Variants in TANGO6 observed in about 807,000 individuals in gnomAD.
The protein encoded by TANGO6 is transport and Golgi organization protein 6 homolog.
Under a neutral mutation model 114.2 loss-of-function variants are expected in TANGO6, and 90 were observed. That is an observed-to-expected ratio of 0.79 (90% CI 0.66 to 0.94). The LOEUF is 0.94. TANGO6 is among the 40% of genes least tolerant of loss of function. The pLI is 0.00. For missense variants in TANGO6, 1,274 were observed against 1,315.3 expected (o/e 0.97, Z 0.49); for synonymous variants, 477 against 509.8 (o/e 0.94, Z 0.87).
intron 17 of TANGO6, among the ~76,000 whole-genome samples, chr16:69,050,491 A>AT (rs1257183183): frequency 0.011 from 1,605 of 140,430 alleles, 29 homozygotes; most frequent in East Asian, 0.065. Context: ...TGCCCAGCTA[A>AT]TTTTTTTTTT....
chr16:69,036,754 G>C (rs902700917), intron 16 of TANGO6, among the ~76,000 whole-genome samples: 2 of 152,144 alleles, frequency 1.3e-5, no homozygotes, highest in African/African-American at 4.8e-5. Context: ...CTTGAGTCCA[G>C]GAGTTTGAGA....
At chr16:69,076,405 C>G (rs1365121808) in intron 17 of TANGO6, among the ~76,000 whole-genome samples, 2 of 152,010 alleles carry the variant, frequency 1.3e-5, no homozygotes, top group African/African-American at 4.8e-5. Flanking sequence ...TTTCTTGATA[C>G]ATTTACATTC....
At chr16:69,040,263 T>C in intron 16 of TANGO6, 45 bp from the exon 17 acceptor site, 1 of 1,501,846 alleles carries the variant, frequency 6.7e-7, no homozygotes, top group East Asian at 2.4e-5. Flanking sequence ...TAGGTAATTG[T>C]GCAACTCTGA....
At chr16:69,036,737 C>T (rs1234479987) in intron 16 of TANGO6, among the ~76,000 whole-genome samples, 4 of 152,042 alleles carry the variant, frequency 2.6e-5, no homozygotes, top group African/African-American at 7.2e-5. Context: ...CCGAGGCAGG[C>T]GAATCACTTG....
chr16:68,998,852 T>C (rs1964016095), intron 15 of TANGO6, among the ~76,000 whole-genome samples: 1 of 151,972 alleles, frequency 6.6e-6, no homozygotes, highest in African/African-American at 2.4e-5. Flanking sequence ...TTTTAAATTG[T>C]CTTTGATGAA....
intron 9 of TANGO6, among the ~76,000 whole-genome samples, chr16:68,905,320 G>A (rs1175923890): frequency 6.6e-6 from 1 of 151,826 alleles, no homozygotes; most frequent in African/African-American, 2.4e-5. Flanking sequence ...GGTGGATCAC[G>A]AGGTCAGGAG....
intron 15 of TANGO6, among the ~76,000 whole-genome samples, chr16:68,983,565 A>T (rs919510641): frequency 6.6e-6 from 1 of 152,152 alleles, no homozygotes; most frequent in African/African-American, 2.4e-5. Flanking sequence ...TTGCATTGGT[A>T]AGAAGCCCGG....
intron 17 of TANGO6, among the ~76,000 whole-genome samples, chr16:69,050,598 T>C (rs1959933858): frequency 6.6e-6 from 1 of 151,940 alleles, no homozygotes; most frequent in Admixed American, 6.6e-5. Context: ...CAAGCAATTC[T>C]CCTGCCCCAG....
At chr16:68,868,347 A>G (rs1596996226) in intron 4 of TANGO6, among the ~76,000 whole-genome samples, 1 of 152,010 alleles carries the variant, frequency 6.6e-6, no homozygotes, top group Non-Finnish European at 1.5e-5. Context: ...TTAGACATGT[A>G]CATCATTTAA....
chr16:68,930,316 G>A (rs1428141408), intron 14 of TANGO6, 21 bp downstream of exon 14: 1 of 1,545,778 alleles, frequency 6.5e-7, no homozygotes, highest in African/African-American at 1.4e-5. Flanking sequence ...CCTGGTTAAA[G>A]GACTTTAAGT....
At chr16:68,977,382 A>T (rs1212948188) in intron 15 of TANGO6, among the ~76,000 whole-genome samples, 15 of 150,246 alleles carry the variant, frequency 1.0e-4, no homozygotes, top group East Asian at 3.9e-4. Context: ...TATTTATTTA[A>T]TTTTTTTTGT....
intron 3 of TANGO6, among the ~76,000 whole-genome samples, chr16:68,864,607 G>T (rs144900982): frequency 6.6e-6 from 1 of 151,968 alleles, no homozygotes; most frequent in Non-Finnish European, 1.5e-5. Context: ...GAAAAAGAGC[G>T]AGAAGCCAAA....
intron 15 of TANGO6, among the ~76,000 whole-genome samples, chr16:68,979,309 A>G (rs1963799967): frequency 6.6e-6 from 1 of 151,908 alleles, no homozygotes; most frequent in African/African-American, 2.4e-5. Flanking sequence ...GGCTCACTGC[A>G]ACCTCCACTT....
intron 1 of TANGO6, among the ~76,000 whole-genome samples, chr16:68,850,081 A>T (rs541092337): frequency 1.6e-4 from 24 of 147,078 alleles, no homozygotes; most frequent in Non-Finnish European, 2.8e-4. Context: ...TCAAGCGATT[A>T]TCCTGCCTCA....
At position 68,909,239 on chromosome 16, in the gene TANGO6, A is replaced by G. The variant is rs1962891402; in HGVS notation, c.1829A>G (p.Glu610Gly). 6 of 1,592,078 alleles carry G rather than the reference A, an allele frequency of 3.8e-6. No homozygotes were observed. The highest frequency in any genetic ancestry group is 4.3e-6 in the Non-Finnish European group (5 of 1,167,864). Reference protein sequence around the residue: ...KELTHVASENETELKTEPFSS... With the variant: ...KELTHVASENGTELKTEPFSS... Reference sequence around the variant, plus strand: ...TTGACTCATGTGGCCTCGGAAAATGAAACAGAGTTAAAAACTGAGCCCTTC... The same window carrying G: ...TTGACTCATGTGGCCTCGGAAAATGGAACAGAGTTAAAAACTGAGCCCTTC... Residue 610 changes from glutamate to glycine, a missense_variant, in exon 11 of 18, where the codon GAA becomes GGA. Physicochemically the swap from Glu to Gly is moderately conservative, Grantham distance 98. This residue lies in a region of TANGO6 where 908 missense variants were observed against 910.2 expected (regional missense o/e 1.00). Transcript: ENST00000261778.
At chr16:68,934,088 G>C (rs941667078) in intron 14 of TANGO6, among the ~76,000 whole-genome samples, 15 of 151,340 alleles carry the variant, frequency 9.9e-5, no homozygotes, top group Non-Finnish European at 2.1e-4. Context: ...TGTCACTCAG[G>C]GTAGAGTATA....
intron 15 of TANGO6, among the ~76,000 whole-genome samples, chr16:68,979,799 A>G (rs1963805553): frequency 6.7e-6 from 1 of 150,046 alleles, no homozygotes; most frequent in African/African-American, 2.5e-5. Flanking sequence ...AGAATTACAT[A>G]TTCTAGTCCG....
intron 12 of TANGO6, chr16:68,927,043 A>G (rs1963175853): frequency 1.3e-5 from 2 of 155,246 alleles, no homozygotes; most frequent in South Asian, 4.0e-4. Flanking sequence ...TTTCACTTCC[A>G]CTTTCCAGAA....
chr16:68,876,269 C>G (rs904053657), intron 5 of TANGO6, among the ~76,000 whole-genome samples: 1 of 151,894 alleles, frequency 6.6e-6, no homozygotes, highest in African/African-American at 2.4e-5. Flanking sequence ...TCAAGCGATT[C>G]TCCTGCCTCA....
Sources: allele counts gnomAD v4.1 joint callset (sites outside exome capture counted in the v4.1 genomes callset), GRCh38; gene constraint gnomAD v4.1.1; regional missense constraint gnomAD v4.1.1; transcripts MANE v1.5; gene names NCBI Gene and HGNC (gene_info 2026-07-23, HGNC 2026-07-21).